The following ZHX3 variants were observed in gnomAD, a reference collection of about 807,000 sequenced individuals.
The protein encoded by ZHX3 is zinc fingers and homeoboxes protein 3.
Under a neutral mutation model 64.5 loss-of-function variants are expected in ZHX3, and 20 were observed. The ratio of observed to expected loss-of-function variants is 0.31; its 90% CI spans 0.22 to 0.45. ZHX3 has a LOEUF of 0.45. Ranked by LOEUF, ZHX3 falls within the 20% of genes least tolerant of loss-of-function variation. The pLI is 1.00. For missense variants in ZHX3, 1,041 were observed against 1,195.8 expected (o/e 0.87, Z 1.91); for synonymous variants, 423 against 461.6 (o/e 0.92, Z 1.07).
chr20:41,264,467 G>T (rs2042731665), intron 2 of ZHX3, among the ~76,000 whole-genome samples: 1 of 149,974 alleles, frequency 6.7e-6, no homozygotes, highest in Admixed American at 6.7e-5. Flanking sequence ...GCTGAGATGG[G>T]AGAATCACTT....
intron 1 of ZHX3, among the ~76,000 whole-genome samples, chr20:41,296,172 T>A (rs888300790): frequency 7.2e-6 from 1 of 139,196 alleles, no homozygotes; most frequent in Non-Finnish European, 1.5e-5. Context: ...TCACTTAACA[T>A]CACTCATGCC....
intron 2 of ZHX3, among the ~76,000 whole-genome samples, chr20:41,229,415 C>A (rs765303846): frequency 6.6e-6 from 1 of 152,208 alleles, no homozygotes; most frequent in Non-Finnish European, 1.5e-5. Context: ...TGGGTAACTA[C>A]CCAGAAGTGG....
chr20:41,204,163 C>T lies in ZHX3; in HGVS notation c.754G>A (p.Ala252Thr), dbSNP rs1271612274. ...GTTCCTATCAGGGGCCCGTTGGCGG[C>T]ATGGGGGTTTTTTGCAGAGCTGGCA... ...ASASSAKNPH[A>T]ANGPLIGTVP... Residue 252 changes from alanine to threonine, a missense_variant, in exon 3 of 4, where the codon GCC becomes ACC. Physicochemically the swap from Ala to Thr is moderately conservative, Grantham distance 58. Around this residue, in one of 4 missense-constraint regions of ZHX3, gnomAD observed 358 missense variants for 369.1 expected, o/e 0.97. Transcript: ENST00000683867. This position sits in a 1 kb window ranked among gnomAD's most constrained non-coding sequence, Gnocchi z 6.6. 3.1e-6 allele frequency: 5 copies of T among 1,608,168 alleles called. No individual in the cohort carries two copies. In the Admixed American group the frequency reaches 8.4e-5, roughly 27 times the overall value.
intron 1 of ZHX3, among the ~76,000 whole-genome samples, chr20:41,276,878 G>T (rs891623109): frequency 2.6e-5 from 4 of 152,180 alleles, no homozygotes. Flanking sequence ...CATAAGAATA[G>T]ATTTTAAAAA....
Position 41,229,000 on chromosome 20 carries a change from T to C in ZHX3, c.-150-23934A>G, listed in dbSNP as rs1324218241. On this transcript the variant is annotated intron_variant, in intron 2 of 3. Transcript: ENST00000683867. This position sits in a 1 kb window ranked among gnomAD's most constrained non-coding sequence, Gnocchi z 4.6. ...CAGTCACATTGTTGTACAACCATCA[T>C]CACCATCTGCCTCCAGAACTCTTTG... Among the ~76,000 whole-genome samples the C allele has an allele frequency of 1.3e-5, 2 of 152,148 alleles. No homozygotes were observed. Among genetic ancestry groups the C allele is most frequent in the African/African-American group, 4.8e-5 (2 of 41,430 alleles).
At chr20:41,273,040 T>A (rs2043218967) in intron 1 of ZHX3, among the ~76,000 whole-genome samples, 1 of 152,012 alleles carries the variant, frequency 6.6e-6, no homozygotes, top group Non-Finnish European at 1.5e-5. Flanking sequence ...ATGCTTGTAA[T>A]TTTGTTTTTG....
intron 2 of ZHX3, among the ~76,000 whole-genome samples, chr20:41,254,069 G>T (rs2042119076): frequency 6.6e-6 from 1 of 152,110 alleles, no homozygotes; most frequent in African/African-American, 2.4e-5. Context: ...AGGATTGCTT[G>T]AGCCCAGGAA....
intron 2 of ZHX3, among the ~76,000 whole-genome samples, chr20:41,210,433 A>G (rs1466031544): frequency 1.3e-5 from 2 of 152,186 alleles, no homozygotes; most frequent in Non-Finnish European, 2.9e-5. Flanking sequence ...AATAGCAAAG[A>G]CTTGGAACCA....
At position 41,203,278 on chromosome 20, in the gene ZHX3, A is replaced by G; in HGVS notation, c.1639T>C (p.Tyr547His). 1 of 1,614,134 alleles carries G rather than the reference A, an allele frequency of 6.2e-7. No individual in the cohort carries two copies. Among genetic ancestry groups the G allele is most frequent in the Non-Finnish European group, 8.5e-7 (1 of 1,180,004 alleles). Residue 547 changes from tyrosine (Y) to histidine (H), a missense_variant, in exon 3 of 4, where the codon TAC (tyrosine) becomes CAC (histidine). Tyr to His is a moderately conservative substitution (Grantham distance 83). Coordinates refer to ENST00000683867, the MANE Select transcript of ZHX3 (RefSeq NM_001384317.1). This position sits in a 1 kb window ranked among gnomAD's most constrained non-coding sequence, Gnocchi z 7.1. The part of the protein sequence containing the change: ...EVRKWFSDRR[Y>H]HCRNLKGSRA... ...GAGCCCTTCAAGTTCCGGCAGTGGTATCTACGATCACTGAACCATTTCCGC... is the reference window on the plus strand; with the variant it reads ...GAGCCCTTCAAGTTCCGGCAGTGGTGTCTACGATCACTGAACCATTTCCGC...
intron 2 of ZHX3, among the ~76,000 whole-genome samples, chr20:41,235,087 G>C (rs970809989): frequency 6.6e-6 from 1 of 152,104 alleles, no homozygotes; most frequent in Non-Finnish European, 1.5e-5. Context: ...TTATAATTTT[G>C]AATTATTGTA....
At chr20:41,301,338 C>T (rs1027593944) in intron 1 of ZHX3, among the ~76,000 whole-genome samples, 21 of 152,274 alleles carry the variant, frequency 1.4e-4, no homozygotes, top group African/African-American at 5.1e-4. Flanking sequence ...CATCATACCA[C>T]CCCATACTCA....
intron 1 of ZHX3, among the ~76,000 whole-genome samples, chr20:41,271,127 T>C (rs1433911343): frequency 2.6e-5 from 4 of 152,174 alleles, no homozygotes; most frequent in African/African-American, 9.7e-5. Context: ...TCCAAGCATT[T>C]CTCCTGCCTC....
At chr20:41,199,733 C>T (rs2038065249) in intron 3 of ZHX3, among the ~76,000 whole-genome samples, 1 of 150,186 alleles carries the variant, frequency 6.7e-6, no homozygotes, top group Non-Finnish European at 1.5e-5. Context: ...TGGAGCCTCA[C>T]TCTGTTGCCC....
rs758747775 is a variant in ZHX3, at chr20:41,202,124, C to T, written c.2793G>A (p.Glu931=). The T allele has an allele frequency of 6.8e-6, 11 of 1,613,866 alleles. No homozygotes were observed. In the East Asian group the frequency reaches 2.5e-4, roughly 36 times the overall value. The part of the protein sequence containing the change: ...SEVSENSESW[E]PRVPEASSEP... ...CTGAGCTGGCCTCAGGGACACGGGG[C>T]TCCCACGACTCACTGTTCTCAGACA... Residue 931 remains glutamate (E), a synonymous_variant, in exon 3 of 4, where the codon GAG becomes GAA. Coordinates refer to ENST00000683867, the MANE Select transcript of ZHX3 (RefSeq NM_001384317.1). The surrounding 1 kb of genome is among the most constrained non-coding windows in gnomAD (Gnocchi z 7.0).
In ZHX3 at chr20:41,200,099, C is replaced by A. The variant is rs181225844; in HGVS notation, c.2860+1958G>T. 1.9e-4 allele frequency among the ~76,000 whole-genome samples: 25 copies of A among 134,428 alleles called. 1 individual carries two copies. In the East Asian group the frequency reaches 6.7e-3, roughly 36 times the overall value. The allele number at this position is 134,428 out of a possible 152,430, so 88.2% of individuals were successfully genotyped here. On this transcript the variant is annotated intron_variant, in intron 3 of 3. Coordinates refer to ENST00000683867, the MANE Select transcript of ZHX3 (RefSeq NM_001384317.1). The surrounding 1 kb of genome is among the most constrained non-coding windows in gnomAD (Gnocchi z 4.2). The stretch of plus-strand genomic sequence containing the variant: ...CCACAGTTGCCTGCTGCAGAGCTTG[C>A]GGATGCTGAAACAAAAAAAAACCAT...
chr20:41,210,866 A>G (rs907001228), intron 2 of ZHX3, among the ~76,000 whole-genome samples: 2 of 152,230 alleles, frequency 1.3e-5, no homozygotes, highest in Non-Finnish European at 2.9e-5. Flanking sequence ...AGTAATCTTC[A>G]CATATGCTTT....
chr20:41,280,323 G>A lies in ZHX3; in HGVS notation c.-244-11240C>T, dbSNP rs377259768. ...AAATACCAATTGCCTGGGCCCCACC[G>A]CAATGCAACTGAATCAGTATTTATA... On this transcript the variant is annotated intron_variant, in intron 1 of 3. Coordinates refer to ENST00000683867, the MANE Select transcript of ZHX3 (RefSeq NM_001384317.1). 3.7e-4 allele frequency among the ~76,000 whole-genome samples: 56 copies of A among 152,218 alleles called. 1 individual carries two copies. The East Asian group carries it at 4.8e-3, about 13-fold the overall frequency.
chr20:41,193,704 GTTGTTT>G (rs1255359168), intron 3 of ZHX3, among the ~76,000 whole-genome samples: 3 of 132,680 alleles, frequency 2.3e-5, no homozygotes, highest in Non-Finnish European at 4.7e-5. Flanking sequence ...TGTTGTTGTT[GTTGTTT>G]TTGTTTTTTT....
intron 2 of ZHX3, among the ~76,000 whole-genome samples, chr20:41,246,561 T>G (rs2041698535): frequency 6.6e-6 from 1 of 152,146 alleles, no homozygotes; most frequent in African/African-American, 2.4e-5. Context: ...TTTGAAATAC[T>G]AATTGTATTA....
Sources: gnomAD v4.1 joint callset for allele counts (sites outside exome capture counted in the v4.1 genomes callset) on GRCh38, gnomAD v4.1.1 for gene constraint, gnomAD v4.1.1 regional missense constraint, Gnocchi (gnomAD v3.1) non-coding constraint, MANE v1.5 for transcripts, NCBI Gene and HGNC (gene_info 2026-07-23, HGNC 2026-07-21) for gene names.